The following DCC variants were observed in gnomAD, a reference collection of about 807,000 sequenced individuals.
DCC encodes netrin receptor DCC.
Under a neutral mutation model 172.5 loss-of-function variants are expected in DCC, and 58 were observed. The observed-to-expected ratio is 0.34, with a 90% CI of 0.27 to 0.42. The LOEUF is 0.42. DCC is among the 10% of genes least tolerant of loss of function. DCC has a pLI of 1.00. For synonymous variants in DCC, 709 were observed against 644.5 expected (o/e 1.10, Z -1.52); for missense variants, 1,740 against 1,791.0 (o/e 0.97, Z 0.51).
intron 2 of DCC, among the ~76,000 whole-genome samples, chr18:52,784,911 AGAGAGAGAGAGAAGAGAAGGGGG>A (rs1481315799): frequency 2.4e-4 from 33 of 140,110 alleles, no homozygotes; most frequent in African/African-American, 8.4e-4. Context: ...GTGGAGGGGG[AGAGAGAGAGAGAAGAGAAGGGGG>A]GAGAGAGAGA....
chr18:53,372,624 A>G (rs1014215253), intron 15 of DCC, among the ~76,000 whole-genome samples: 2 of 152,110 alleles, frequency 1.3e-5, no homozygotes, highest in Non-Finnish European at 1.5e-5. Context: ...AAAATCAACT[A>G]TATATGTATT....
intron 7 of DCC, among the ~76,000 whole-genome samples, chr18:53,154,159 C>CT (rs1372263660): frequency 6.6e-6 from 1 of 152,168 alleles, no homozygotes; most frequent in African/African-American, 2.4e-5. Context: ...ATCCACTACT[C>CT]TGAGGGATGA....
In DCC at chr18:52,464,375, A is replaced by G. The variant is rs371971640; in HGVS notation, c.91+123497A>G. On this transcript the variant is annotated intron_variant, in intron 1 of 28. Transcript: ENST00000442544. ...TGTGGTTTAGTTCCCTGCATCCTTA[A>G]GAAATATATTCAGATGTCAGCAGTA... is the stretch of plus-strand genomic sequence containing the variant. 2.6e-4 allele frequency among the ~76,000 whole-genome samples: 39 copies of G among 152,278 alleles called. No individual in the cohort carries two copies. In the South Asian group the frequency reaches 7.5e-3, roughly 29 times the overall value.
chr18:52,486,021 G>C (rs1180439968), intron 1 of DCC, among the ~76,000 whole-genome samples: 2 of 152,014 alleles, frequency 1.3e-5, no homozygotes, highest in African/African-American at 4.8e-5. Context: ...TTTAGAGACA[G>C]GGTCTTGTTC....
intron 5 of DCC, among the ~76,000 whole-genome samples, chr18:53,004,190 C>T (rs954014955): frequency 6.6e-6 from 1 of 152,084 alleles, no homozygotes; most frequent in Non-Finnish European, 1.5e-5. Context: ...CTGTGAAATC[C>T]CTGAAAATGT....
intron 12 of DCC, among the ~76,000 whole-genome samples, chr18:53,291,450 T>C (rs2057003993): frequency 6.6e-6 from 1 of 152,152 alleles, no homozygotes; most frequent in African/African-American, 2.4e-5. Context: ...AAATATCTGG[T>C]GAAATAAACT....
intron 15 of DCC, among the ~76,000 whole-genome samples, chr18:53,344,440 C>CTTTTTT (rs71175582): frequency 1.2e-3 from 120 of 97,024 alleles, no homozygotes; most frequent in African/African-American, 2.0e-3. Context: ...TTTCGTTTTT[C>CTTTTTT]TTTTTTTTTT....
At chr18:52,621,665 A>T (rs1252382599) in intron 1 of DCC, among the ~76,000 whole-genome samples, 1 of 152,178 alleles carries the variant, frequency 6.6e-6, no homozygotes, top group Non-Finnish European at 1.5e-5. Flanking sequence ...TGTAGCACAC[A>T]AGCTTAGTAA....
intron 5 of DCC, among the ~76,000 whole-genome samples, chr18:53,043,596 G>A (rs1025293095): frequency 3.3e-5 from 5 of 151,746 alleles, no homozygotes; most frequent in African/African-American, 9.7e-5. Context: ...CCTTTTAAAC[G>A]GCCAAGAACT....
At chr18:52,773,955 A>G (rs1176133477) in intron 2 of DCC, among the ~76,000 whole-genome samples, 1 of 152,178 alleles carries the variant, frequency 6.6e-6, no homozygotes, top group African/African-American at 2.4e-5. Flanking sequence ...CAGCCAACCA[A>G]ATTTCCCCAA....
chr18:52,626,968 G>T (rs989200788), intron 1 of DCC, among the ~76,000 whole-genome samples: 1 of 152,144 alleles, frequency 6.6e-6, no homozygotes, highest in Non-Finnish European at 1.5e-5. Flanking sequence ...AGGGACAGTT[G>T]TACTAGCCAT....
chr18:52,801,513 A>G (rs932408305), intron 2 of DCC, among the ~76,000 whole-genome samples: 4 of 152,248 alleles, frequency 2.6e-5, no homozygotes, highest in Admixed American at 2.6e-4. Context: ...CCAAAAGAAG[A>G]TTGCCTTAGT....
At chr18:53,036,426 C>G (rs2042093102) in intron 5 of DCC, among the ~76,000 whole-genome samples, 1 of 152,008 alleles carries the variant, frequency 6.6e-6, no homozygotes, top group Admixed American at 6.6e-5. Context: ...ATACAAAATT[C>G]AAATACCTAC....
rs1478173304 is a variant in DCC, at chr18:53,112,629, T to C, written c.1262-44727T>C. Among the ~76,000 whole-genome samples the C allele has an allele frequency of 2.6e-5, 4 of 151,548 alleles. No homozygotes were observed. The South Asian group carries it at 8.3e-4, about 31-fold the overall frequency. On this transcript the variant is annotated intron_variant, in intron 7 of 28. Transcript: ENST00000442544. ...ATTTCAGCTGCCCTCAGATAAGCTG[T>C]ATGTAAGGACCTTGAGACATGTTTT... is the stretch of plus-strand genomic sequence containing the variant.
At chr18:52,403,840 G>A (rs1361183196) in intron 1 of DCC, among the ~76,000 whole-genome samples, 1 of 152,042 alleles carries the variant, frequency 6.6e-6, no homozygotes, top group African/African-American at 2.4e-5. Context: ...GCTCTTAAAA[G>A]CAGGCCTTCT....
intron 26 of DCC, among the ~76,000 whole-genome samples, chr18:53,489,080 AAATT>A (rs1269243173): frequency 6.6e-6 from 1 of 150,540 alleles, no homozygotes; most frequent in Non-Finnish European, 1.5e-5. Flanking sequence ...AAAAAAAAAG[AAATT>A]AATTGATTAA....
chr18:53,307,677 C>A (rs761926716), intron 13 of DCC, among the ~76,000 whole-genome samples: 1 of 151,090 alleles, frequency 6.6e-6, no homozygotes, highest in East Asian at 1.9e-4. Flanking sequence ...CAGAACTATA[C>A]GCAGCCAATA....
chr18:52,959,929 T>C (rs2040814787), intron 5 of DCC, among the ~76,000 whole-genome samples: 2 of 152,156 alleles, frequency 1.3e-5, no homozygotes, highest in South Asian at 2.1e-4. Context: ...ATTGTAGCTC[T>C]GAACCTTCTT....
chr18:52,696,021 T>A (rs752998427), intron 1 of DCC, among the ~76,000 whole-genome samples: 18 of 152,236 alleles, frequency 1.2e-4, no homozygotes, highest in Non-Finnish European at 2.4e-4. Flanking sequence ...TGAATGAATG[T>A]ATTGTTAGCA....
Sources: gnomAD v4.1 joint callset for allele counts (sites outside exome capture counted in the v4.1 genomes callset) on GRCh38, gnomAD v4.1.1 for gene constraint, MANE v1.5 for transcripts, NCBI Gene and HGNC (gene_info 2026-07-23, HGNC 2026-07-21) for gene names.